ADD3: variants seen among roughly 807,000 people sequenced by gnomAD.
ADD3 encodes the protein adducin 3.
A neutral mutation model predicts 80.2 loss-of-function variants in ADD3; 25 were observed. The observed-to-expected ratio is 0.31, with a 90% CI of 0.23 to 0.44. The LOEUF (loss-of-function observed/expected upper bound fraction) is 0.44, where lower values mean the gene tolerates loss of function less well. ADD3 is among the 20% of genes least tolerant of loss of function. ADD3 has a pLI of 1.00. For synonymous variants in ADD3, 284 were observed against 289.6 expected (o/e 0.98, Z 0.20); for missense variants, 829 against 847.5 (o/e 0.98, Z 0.27).
chr10:110,042,479 G>C (rs1427776842), intron 1 of ADD3, among the ~76,000 whole-genome samples: 2 of 152,000 alleles, frequency 1.3e-5, no homozygotes, highest in African/African-American at 2.4e-5. Flanking sequence ...TGTTCAGTGA[G>C]CTGAGAAATA....
intron 1 of ADD3, among the ~76,000 whole-genome samples, chr10:110,071,020 A>G (rs983147532): frequency 1.4e-5 from 2 of 143,404 alleles, no homozygotes; most frequent in Non-Finnish European, 3.0e-5. Flanking sequence ...CCTCCTACCT[A>G]TCCAACAGCA....
intron 1 of ADD3, among the ~76,000 whole-genome samples, chr10:110,059,536 G>A (rs564735950): frequency 4.0e-5 from 6 of 151,796 alleles, no homozygotes; most frequent in Admixed American, 2.6e-4. Context: ...GCCAAGGCAG[G>A]CAGATCACGA....
chr10:110,070,844 G>T (rs1185195073), intron 1 of ADD3, among the ~76,000 whole-genome samples: 1 of 151,968 alleles, frequency 6.6e-6, no homozygotes, highest in Non-Finnish European at 1.5e-5. Flanking sequence ...AATTTTAGAG[G>T]CTGGGATGTG....
intron 1 of ADD3, among the ~76,000 whole-genome samples, chr10:110,096,157 AT>A (rs1021076522): frequency 4.6e-5 from 7 of 152,150 alleles, no homozygotes; most frequent in African/African-American, 1.2e-4. Context: ...ATATAAAAAT[AT>A]TTTTTTGGAA....
intron 1 of ADD3, among the ~76,000 whole-genome samples, chr10:110,027,957 G>A (rs1383842773): frequency 6.6e-6 from 1 of 152,136 alleles, no homozygotes; most frequent in Non-Finnish European, 1.5e-5. Flanking sequence ...AGAAAAGGTT[G>A]TGGGGGGAAG....
intron 12 of ADD3, among the ~76,000 whole-genome samples, chr10:110,128,049 A>ATTTTTTTTTTTTTTTTTT (rs71486096): frequency 9.4e-6 from 1 of 106,014 alleles, no homozygotes; most frequent in Non-Finnish European, 1.9e-5. Flanking sequence ...TTTGTTTAGG[A>ATTTTTTTTTTTTTTTTTT]TTTTTTTTTT....
chr10:110,001,809 C>T (rs909122677), upstream of ADD3, among the ~76,000 whole-genome samples: 3 of 152,114 alleles, frequency 2.0e-5, no homozygotes, highest in Non-Finnish European at 4.4e-5. Context: ...TTCCTGATTA[C>T]TTTCTAGAAA....
chr10:110,009,231 T>A (rs1336356038), intron 1 of ADD3, among the ~76,000 whole-genome samples: 2 of 152,114 alleles, frequency 1.3e-5, no homozygotes, highest in Non-Finnish European at 2.9e-5. Context: ...ATATGCAAGT[T>A]TGGGGAAGGA....
At chr10:110,086,440 A>C (rs1254724490) in intron 1 of ADD3, among the ~76,000 whole-genome samples, 2 of 152,074 alleles carry the variant, frequency 1.3e-5, no homozygotes, top group Non-Finnish European at 2.9e-5. Context: ...CAGGCTTGAT[A>C]TGGTTTGGAT....
upstream of ADD3, among the ~76,000 whole-genome samples, chr10:110,005,033 T>G (rs1299548387): frequency 6.6e-6 from 1 of 152,178 alleles, no homozygotes; most frequent in African/African-American, 2.4e-5. Flanking sequence ...TTTAGATATA[T>G]TTTGTTTTTT....
intron 12 of ADD3, among the ~76,000 whole-genome samples, chr10:110,128,543 G>A (rs1420305611): frequency 6.6e-6 from 1 of 152,022 alleles, no homozygotes; most frequent in Non-Finnish European, 1.5e-5. Flanking sequence ...AGCCTCCCAA[G>A]TAGCTGGGAC....
intron 4 of ADD3, 129 bp downstream of exon 4, chr10:110,116,539 C>G: frequency 1.1e-6 from 1 of 900,642 alleles, no homozygotes; most frequent in South Asian, 1.7e-5. Context: ...AGATCACAAC[C>G]AAATACTGAT....
intron 10 of ADD3, 106 bp downstream of exon 10, chr10:110,124,380 A>G: frequency 7.8e-7 from 1 of 1,284,134 alleles, no homozygotes; most frequent in Non-Finnish European, 1.1e-6. Flanking sequence ...ATAATATTAA[A>G]AATATTACTG....
chr10:110,043,900 T>C (rs1442737871), intron 1 of ADD3, among the ~76,000 whole-genome samples: 1 of 152,090 alleles, frequency 6.6e-6, no homozygotes, highest in Non-Finnish European at 1.5e-5. Context: ...TTAGGGGAGA[T>C]ATGAGCCTTA....
chr10:110,108,888 A>G (rs1052417614), intron 2 of ADD3, among the ~76,000 whole-genome samples: 1 of 152,144 alleles, frequency 6.6e-6, no homozygotes, highest in Admixed American at 6.5e-5. Context: ...TTTTTTTTAT[A>G]CCTATACTGC....
intron 1 of ADD3, among the ~76,000 whole-genome samples, chr10:110,063,849 T>A (rs573727877): frequency 6.9e-6 from 1 of 145,820 alleles, no homozygotes; most frequent in East Asian, 2.1e-4. Context: ...CTGCTCTGGG[T>A]TCTCAGGCAT....
rs182013495 is a variant in ADD3 at position 110,015,617 on chromosome 10, G to A, written c.-30+7318G>A. ...TCTCGATCTCCTGACCTCGTGATCCGTCCGCCTCGGCCTCCCAAAGTTCTG... is the reference window on the plus strand; with the variant it reads ...TCTCGATCTCCTGACCTCGTGATCCATCCGCCTCGGCCTCCCAAAGTTCTG... On this transcript the variant is annotated intron_variant, in intron 1 of 14. Coordinates refer to ENST00000356080, the MANE Select transcript of ADD3 (RefSeq NM_016824.5). Among the ~76,000 whole-genome samples the A allele has an allele frequency of 2.8e-3, 418 of 151,918 alleles. 3 individuals carry two copies. The highest frequency in any genetic ancestry group is 9.5e-3 in the African/African-American group (395 of 41,428).
rs779375148 is a variant in ADD3, at chr10:110,133,511, C to A, written c.2014C>A (p.Leu672Met). Residue 672 changes from leucine (L) to methionine (M), a missense_variant, in exon 15 of 15, where the codon CTG (leucine) becomes ATG (methionine). Transcript: ENST00000356080. The part of the protein sequence containing the change: ...IKSPEKIEEV[L>M]SPEGSPSKSP... ...GTCTCCAGAGAAAATCGAAGAAGTC[C>A]TGTCACCTGAAGGCTCCCCTTCAAA... is the stretch of plus-strand genomic sequence containing the variant. 6.2e-7 allele frequency: 1 copy of A among 1,613,642 alleles called. No individual in the cohort carries two copies. The highest frequency in any genetic ancestry group is 1.7e-5 in the Admixed American group (1 of 60,016).
intron 1 of ADD3, among the ~76,000 whole-genome samples, chr10:110,049,663 A>G (rs933004375): frequency 2.6e-5 from 4 of 152,200 alleles, no homozygotes; most frequent in African/African-American, 7.2e-5. Context: ...CAAGGCAGGC[A>G]GGTCACGAGG....
Sources: allele counts gnomAD v4.1 joint callset (sites outside exome capture counted in the v4.1 genomes callset), GRCh38; gene constraint gnomAD v4.1.1; transcripts MANE v1.5; gene names NCBI Gene and HGNC (gene_info 2026-07-23, HGNC 2026-07-21).